The following ATP2C1 variants were observed in gnomAD, a reference collection of about 807,000 sequenced individuals.
ATP2C1 encodes the protein ATPase secretory pathway Ca2+ transporting 1, also known as calcium-transporting ATPase type 2C member 1.
A neutral mutation model predicts 120.5 loss-of-function variants in ATP2C1; 31 were observed. That is an observed-to-expected ratio of 0.26 (90% CI 0.19 to 0.35). The LOEUF is 0.35. Ranked by LOEUF, ATP2C1 falls within the 10% of genes least tolerant of loss-of-function variation. The pLI is 1.00. For synonymous variants in ATP2C1, 351 were observed against 358.7 expected, an observed-to-expected ratio of 0.98 and a Z score of 0.24; for missense variants, 731 against 1,107.5, an observed-to-expected ratio of 0.66 and a Z score of 4.83.
chr3:130,957,673 G>A (rs559236024), intron 11 of ATP2C1, among the ~76,000 whole-genome samples: 2 of 151,892 alleles, frequency 1.3e-5, no homozygotes, highest in African/African-American at 4.8e-5. Context: ...TCAGCCTCCC[G>A]AGTAGCTGGG....
chr3:130,913,409 T>C (rs2058536661), intron 2 of ATP2C1, among the ~76,000 whole-genome samples: 1 of 152,222 alleles, frequency 6.6e-6, no homozygotes, highest in South Asian at 2.1e-4. Context: ...CCTCGTGGCA[T>C]ACCTAGTGGT....
intron 14 of ATP2C1, among the ~76,000 whole-genome samples, chr3:130,965,965 A>C (rs2061031912): frequency 6.6e-6 from 1 of 152,168 alleles, no homozygotes; most frequent in Admixed American, 6.6e-5. Flanking sequence ...ATTGTCTCTT[A>C]AGTGCACATC....
chr3:131,001,676 A>G lies in ATP2C1; in HGVS notation c.*326A>G. 1.0e-6 allele frequency: 1 copy of G among 985,210 alleles called. No homozygotes were observed. The highest frequency in any genetic ancestry group is 1.2e-6 in the Non-Finnish European group (1 of 827,136). The allele number at this position is 985,210 out of a possible 1,614,324, so 61.0% of individuals were successfully genotyped here. A position where few individuals can be genotyped will look rare whatever the true frequency, so the allele number is the denominator to read the frequency against. ...GTCTAACAGTACAAATACACTATCT[A>G]TCTTAGATAGATATATTTTTTTTTA... is the stretch of plus-strand genomic sequence containing the variant. On this transcript the variant is annotated 3_prime_UTR_variant, in exon 28 of 28. Transcript: ENST00000510168.
intron 1 of ATP2C1, among the ~76,000 whole-genome samples, chr3:130,862,314 CTTTA>C (rs56326023): frequency 0.051 from 7,057 of 137,996 alleles, 435 homozygotes; most frequent in African/African-American, 0.15. Flanking sequence ...TACTTATTCA[CTTTA>C]TTTATTTATT....
chr3:130,889,053 G>A (rs968694810), intron 1 of ATP2C1, among the ~76,000 whole-genome samples: 1 of 152,214 alleles, frequency 6.6e-6, no homozygotes, highest in African/African-American at 2.4e-5. Flanking sequence ...CCGGGTTGTA[G>A]GTGGCTGGAG....
At chr3:130,996,975 G>A (rs185699376) in intron 24 of ATP2C1, among the ~76,000 whole-genome samples, 179 bp downstream of exon 24, 2 of 152,130 alleles carry the variant, frequency 1.3e-5, no homozygotes, top group African/African-American at 2.4e-5. Flanking sequence ...TGTGCATGCA[G>A]TGTAGATCTG....
rs1437970230 is a variant in ATP2C1 at position 131,001,690 on chromosome 3, T to C, written c.*340T>C. 26 of 960,480 alleles carry C rather than the reference T, an allele frequency of 2.7e-5. No homozygotes were observed. Among genetic ancestry groups the C allele is most frequent in the Middle Eastern group, 5.4e-4 (1 of 1,852 alleles). The allele number at this position is 960,480 out of a possible 1,614,324, so 59.5% of individuals were successfully genotyped here. A position where few individuals can be genotyped will look rare whatever the true frequency, so the allele number is the denominator to read the frequency against. ...ATACACTATCTATCTTAGATAGATATATTTTTTTTTATTTTTAAATATTGT... is the reference window on the plus strand; with the variant it reads ...ATACACTATCTATCTTAGATAGATACATTTTTTTTTATTTTTAAATATTGT... On this transcript the variant is annotated 3_prime_UTR_variant, in exon 28 of 28. Transcript: ENST00000510168.
At chr3:130,972,470 C>T (rs983393118) in intron 17 of ATP2C1, among the ~76,000 whole-genome samples, 1 of 147,098 alleles carries the variant, frequency 6.8e-6, no homozygotes, top group African/African-American at 2.6e-5. Context: ...AGTTTCTTCA[C>T]TCTTTTTTTT....
chr3:130,911,349 A>G (rs1474995957), intron 2 of ATP2C1, among the ~76,000 whole-genome samples: 2 of 146,646 alleles, frequency 1.4e-5, no homozygotes, highest in African/African-American at 5.1e-5. Flanking sequence ...TTTTTTCTTT[A>G]TTAGTCTTGC....
At position 130,959,271 on chromosome 3, in the gene ATP2C1, T is replaced by C; in HGVS notation, c.833-4T>C. 2 of 1,601,356 alleles carry C rather than the reference T, an allele frequency of 1.2e-6. No homozygotes were observed. The highest frequency in any genetic ancestry group is 2.7e-5 in the African/African-American group (2 of 74,734). On this transcript the variant is annotated splice_polypyrimidine_tract_variant and splice_region_variant and intron_variant, in intron 11 of 27. Coordinates refer to ENST00000510168, the MANE Select transcript of ATP2C1 (RefSeq NM_001378687.1). The stretch of plus-strand genomic sequence containing the variant: ...GGAAAAATAACTATTTAATTATCTT[T>C]CAGGAATCATCATGTTGGTTGGCTG...
intron 8 of ATP2C1, among the ~76,000 whole-genome samples, chr3:130,953,105 GTATGTATGTATA>G (rs1443701226): frequency 6.6e-6 from 1 of 151,436 alleles, no homozygotes; most frequent in African/African-American, 2.4e-5. Context: ...ATGTATGTAT[GTATGTATGTATA>G]TATGTATGTA....
chr3:130,962,003 C>T (rs1306983030), intron 12 of ATP2C1, among the ~76,000 whole-genome samples: 2 of 151,982 alleles, frequency 1.3e-5, no homozygotes, highest in African/African-American at 2.4e-5. Context: ...GTATTCTCTT[C>T]CAGTTAATCA....
rs990667989 is a variant in ATP2C1, at chr3:130,917,847, T to G, written c.7-12569T>G. Among the ~76,000 whole-genome samples the G allele has an allele frequency of 2.0e-5, 3 of 152,222 alleles. No individual in the cohort carries two copies. In the South Asian group the frequency reaches 6.2e-4, roughly 31 times the overall value. On this transcript the variant is annotated intron_variant, in intron 2 of 27. Transcript: ENST00000510168. ...CTCTGCTAACCATCATTCCACTCTT[T>G]GATTTTTATGAATTTGTATTATTTT...
rs1403853811 is a variant in ATP2C1, at chr3:130,894,943, T to A, written c.6+168T>A. Among the ~76,000 whole-genome samples the A allele has an allele frequency of 6.6e-6, 1 of 152,190 alleles. No individual in the cohort carries two copies. ...TTAGGGTATCCAGCTTTTATTTTGG[T>A]AACATGGGGCATTTGAGAGATTGAG... On this transcript the variant is annotated intron_variant, in intron 2 of 27. Coordinates refer to ENST00000510168, the MANE Select transcript of ATP2C1 (RefSeq NM_001378687.1). The surrounding 1 kb of genome is among the most constrained non-coding windows in gnomAD (Gnocchi z 4.5).
chr3:130,986,118 G>T (rs1413984689), intron 20 of ATP2C1, among the ~76,000 whole-genome samples: 1 of 151,454 alleles, frequency 6.6e-6, no homozygotes, highest in African/African-American at 2.4e-5. Flanking sequence ...CACCCAGAGA[G>T]CTGGGGCAGT....
downstream of ATP2C1, among the ~76,000 whole-genome samples, chr3:131,004,121 G>A (rs988908105): frequency 6.6e-6 from 1 of 152,188 alleles, no homozygotes; most frequent in African/African-American, 2.4e-5. Context: ...TTTCAAGAAA[G>A]TAAATAGGGA....
At chr3:130,893,608 A>T (rs1053656229), upstream of ATP2C1, among the ~76,000 whole-genome samples, 8 of 152,220 alleles carry the variant, frequency 5.3e-5, no homozygotes, top group Non-Finnish European at 7.3e-5. Flanking sequence ...TGAGATTGTG[A>T]CTGCCACCCC....
At chr3:130,996,489 A>C (rs1003879992) in intron 23 of ATP2C1, among the ~76,000 whole-genome samples, 191 bp from the exon 24 acceptor site, 3 of 152,216 alleles carry the variant, frequency 2.0e-5, no homozygotes, top group Non-Finnish European at 4.4e-5. Context: ...CCTGTTGTCT[A>C]AACATCTTGA....
At chr3:130,890,800 T>C (rs2069143786), upstream of ATP2C1, among the ~76,000 whole-genome samples, 1 of 152,244 alleles carries the variant, frequency 6.6e-6, no homozygotes, top group South Asian at 2.1e-4. Context: ...AAACTATAGT[T>C]TTCTAAACTT....
Sources: gnomAD v4.1 joint callset for allele counts (sites outside exome capture counted in the v4.1 genomes callset) on GRCh38, gnomAD v4.1.1 for gene constraint, Gnocchi (gnomAD v3.1) non-coding constraint, MANE v1.5 for transcripts, NCBI Gene and HGNC (gene_info 2026-07-23, HGNC 2026-07-21) for gene names.